TFDP2: variants seen among roughly 807,000 people sequenced by gnomAD.
TFDP2 encodes the protein transcription factor Dp-2 (E2F dimerization partner 2).
In TFDP2, 17 loss-of-function variants were observed where a neutral mutation model predicts 59.3. The ratio of observed to expected loss-of-function variants is 0.29; its 90% confidence interval spans 0.20 to 0.43. The LOEUF (loss-of-function observed/expected upper bound fraction) is 0.43, where lower values mean the gene tolerates loss of function less well. Ranked by LOEUF, TFDP2 falls within the 20% of genes least tolerant of loss-of-function variation. The pLI, the probability that TFDP2 is intolerant of heterozygous loss-of-function variation, is 1.00. For missense variants in TFDP2, 391 were observed against 528.8 expected, an observed-to-expected ratio of 0.74 and a Z score of 2.56; for synonymous variants, 180 against 194.7, an observed-to-expected ratio of 0.92 and a Z score of 0.63.
At chr3:142,124,187 A>C (rs1421525812) in intron 1 of TFDP2, among the ~76,000 whole-genome samples, 1 of 152,232 alleles carries the variant, frequency 6.6e-6, no homozygotes, top group African/African-American at 2.4e-5. Context: ...ATCTATGAAT[A>C]GAATGAATCA....
Position 142,149,467 on chromosome 3 carries a change from T to C in TFDP2, c.-377A>G. ...GCGCCGCAGCCGAGATCGCTACCGA[T>C]TTCGTCCGCCCTCTCCCTGCCCAGC... On this transcript the variant is annotated 5_prime_UTR_variant, in exon 1 of 13. Transcript: ENST00000489671. The C allele has an allele frequency of 5.4e-6, 2 of 367,458 alleles. No homozygotes were observed. Among genetic ancestry groups the C allele is most frequent in the Non-Finnish European group, 9.7e-6 (2 of 206,740 alleles). 22.8% of individuals were successfully genotyped at this position (367,458 alleles called of 1,614,324 possible).
At chr3:142,040,314 T>C (rs1560075421) in intron 3 of TFDP2, among the ~76,000 whole-genome samples, 1 of 152,236 alleles carries the variant, frequency 6.6e-6, no homozygotes, top group Non-Finnish European at 1.5e-5. Context: ...TATTCTATGG[T>C]AGGCGCAGTG....
chr3:141,987,062 T>C (rs1377284535), intron 6 of TFDP2, among the ~76,000 whole-genome samples: 1 of 152,230 alleles, frequency 6.6e-6, no homozygotes, highest in Admixed American at 6.5e-5. Flanking sequence ...TACAATCACA[T>C]CATCTGCAAA....
chr3:142,013,092 G>C (rs548711478), intron 3 of TFDP2, among the ~76,000 whole-genome samples: 1 of 152,104 alleles, frequency 6.6e-6, no homozygotes, highest in South Asian at 2.1e-4. Context: ...AGCTAAGATC[G>C]CACCACTTGC....
intron 1 of TFDP2, among the ~76,000 whole-genome samples, chr3:142,135,696 T>C (rs548598345): frequency 6.6e-6 from 1 of 152,152 alleles, no homozygotes; most frequent in South Asian, 2.1e-4. Context: ...AGAATGATGG[T>C]TTCCAGCTTC....
intron 3 of TFDP2, among the ~76,000 whole-genome samples, chr3:142,058,155 T>C (rs189705757): frequency 6.6e-6 from 1 of 152,256 alleles, no homozygotes; most frequent in East Asian, 1.9e-4. Context: ...TTTTATTCTA[T>C]TTTTTAAATG....
rs559662725 is a variant in TFDP2, at chr3:142,098,116, A to G, written c.15+3619T>C. On this transcript the variant is annotated intron_variant, in intron 2 of 12. Transcript: ENST00000489671. ...AATGTCTATACATTTTGATTGCTAC[A>G]TATACAAATTTGTATACAAATCAGA... Among the ~76,000 whole-genome samples, 154 of 152,184 alleles carry G rather than the reference A, an allele frequency of 1.0e-3. 1 individual carries two copies. The highest frequency in any genetic ancestry group is 3.7e-3 in the African/African-American group (152 of 41,536).
At chr3:142,042,246 C>A (rs1034633418) in intron 3 of TFDP2, among the ~76,000 whole-genome samples, 1 of 151,924 alleles carries the variant, frequency 6.6e-6, no homozygotes, top group African/African-American at 2.4e-5. Flanking sequence ...TTGTCTTTTG[C>A]TAATAACAGT....
chr3:142,002,551 C>A (rs1236430668), intron 4 of TFDP2, among the ~76,000 whole-genome samples: 1 of 152,008 alleles, frequency 6.6e-6, no homozygotes, highest in Non-Finnish European at 1.5e-5. Context: ...TGGCCTTTAC[C>A]ATCCATATTT....
At chr3:141,966,323 C>T (rs983193324) in intron 9 of TFDP2, among the ~76,000 whole-genome samples, 2 of 151,834 alleles carry the variant, frequency 1.3e-5, no homozygotes, top group African/African-American at 4.9e-5. Flanking sequence ...CAGGCACCCG[C>T]CACCATGCCT....
intron 3 of TFDP2, among the ~76,000 whole-genome samples, chr3:142,065,490 C>CTGTG (rs578129854): frequency 2.0e-5 from 3 of 148,280 alleles, no homozygotes; most frequent in East Asian, 2.0e-4. Flanking sequence ...ACCATTCACT[C>CTGTG]TGTGTGTGTG....
At chr3:141,995,350 G>A (rs558420620) in intron 4 of TFDP2, 1 of 392,500 alleles carries the variant, frequency 2.5e-6, no homozygotes, top group South Asian at 1.3e-4. Context: ...CTGACATGAG[G>A]TCACAATGCA....
intron 3 of TFDP2, among the ~76,000 whole-genome samples, chr3:142,034,920 A>T (rs1354433346): frequency 6.6e-6 from 1 of 151,720 alleles, no homozygotes; most frequent in Non-Finnish European, 1.5e-5. Context: ...GTTAACCAAG[A>T]TGGTCCCGAT....
intron 3 of TFDP2, among the ~76,000 whole-genome samples, chr3:142,085,135 G>A (rs573144944): frequency 6.6e-6 from 1 of 152,144 alleles, no homozygotes; most frequent in Admixed American, 6.5e-5. Flanking sequence ...TGGCCAGGCT[G>A]GTCTCAGACT....
At chr3:142,057,325 G>A (rs2059780247) in intron 3 of TFDP2, among the ~76,000 whole-genome samples, 1 of 152,228 alleles carries the variant, frequency 6.6e-6, no homozygotes, top group South Asian at 2.1e-4. Context: ...AATCACTTGA[G>A]AGAGTTGTGT....
chr3:141,968,649 T>C (rs1224397825), intron 9 of TFDP2, among the ~76,000 whole-genome samples: 4 of 111,982 alleles, frequency 3.6e-5, no homozygotes, highest in African/African-American at 1.5e-4. Context: ...ATATATCTCA[T>C]ATATAGATAT....
At chr3:142,053,630 A>G (rs1947755645) in intron 3 of TFDP2, among the ~76,000 whole-genome samples, 2 of 152,336 alleles carry the variant, frequency 1.3e-5, no homozygotes, top group South Asian at 4.1e-4. Flanking sequence ...AAAAGTTAAG[A>G]CTGAGAAAGT....
chr3:141,989,066 G>A (rs899124947), intron 6 of TFDP2: 1 of 152,148 alleles, frequency 6.6e-6, no homozygotes, highest in African/African-American at 2.4e-5. Flanking sequence ...CTCTCAAAGG[G>A]TGATAATTAC....
intron 9 of TFDP2, among the ~76,000 whole-genome samples, chr3:141,967,153 G>A (rs915959744): frequency 6.6e-6 from 1 of 151,782 alleles, no homozygotes; most frequent in Non-Finnish European, 1.5e-5. Flanking sequence ...CTGACCTCGT[G>A]ATCTGCCCAC....
Sources: allele counts gnomAD v4.1 joint callset (sites outside exome capture counted in the v4.1 genomes callset), GRCh38; gene constraint gnomAD v4.1.1; transcripts MANE v1.5; gene names NCBI Gene and HGNC (gene_info 2026-07-23, HGNC 2026-07-21).